Variants in NOL4L observed in about 807,000 individuals in gnomAD.
The protein encoded by NOL4L is nucleolar protein 4 like.
Under a neutral mutation model 64.5 loss-of-function variants are expected in NOL4L, and 7 were observed. The ratio of observed to expected loss-of-function variants is 0.11; its 90% confidence interval spans 0.06 to 0.20. The LOEUF is 0.20. Ranked by LOEUF, NOL4L falls within the 10% of genes least tolerant of loss-of-function variation. The pLI, the probability that NOL4L is intolerant of heterozygous loss-of-function variation, is 1.00. For missense variants in NOL4L, 680 were observed against 967.1 expected, an observed-to-expected ratio of 0.70 and a Z score of 3.94; for synonymous variants, 413 against 401.0, an observed-to-expected ratio of 1.03 and a Z score of -0.36.
chr20:32,576,491 T>A (rs1980114309), intron 1 of NOL4L, among the ~76,000 whole-genome samples: 1 of 151,952 alleles, frequency 6.6e-6, no homozygotes. Context: ...AGGAAGTGAA[T>A]AAATGAATGA....
intron 1 of NOL4L, among the ~76,000 whole-genome samples, chr20:32,574,233 C>T (rs969926426): frequency 2.0e-5 from 3 of 152,204 alleles, no homozygotes; most frequent in Admixed American, 6.5e-5. Context: ...CCCTGTTGCC[C>T]GGGGAGACCC....
At position 32,484,654 on chromosome 20, in the gene NOL4L, G is replaced by A. The variant is rs116233313; in HGVS notation, c.700-9912C>T. 2.2e-3 allele frequency among the ~76,000 whole-genome samples: 328 copies of A among 152,164 alleles called. 3 individuals are homozygous for A. The highest frequency in any genetic ancestry group is 7.5e-3 in the African/African-American group (313 of 41,516). On this transcript the variant is annotated intron_variant, in intron 4 of 10. Transcript: ENST00000621426. ...CGGGCCGGGTCCTGACGGCGCGCGA[G>A]CCACAGTTGTAAAGTAATAGGATAA...
chr20:32,457,838 C>G (rs916924311), intron 5 of NOL4L, among the ~76,000 whole-genome samples: 2 of 152,208 alleles, frequency 1.3e-5, no homozygotes, highest in South Asian at 2.1e-4. Context: ...AGTCCCGGCC[C>G]GCGCTGGCTG....
intron 4 of NOL4L, among the ~76,000 whole-genome samples, chr20:32,485,065 A>AAAAAAAAAAAAAAAAAC (rs2016006208): frequency 7.6e-6 from 1 of 132,376 alleles, no homozygotes; most frequent in Admixed American, 8.5e-5. Flanking sequence ...TGCCAAAAAA[A>AAAAAAAAAAAAAAAAAC]AAAAAAAAAA....
chr20:32,537,806 T>A (rs1228691437), intron 1 of NOL4L, among the ~76,000 whole-genome samples: 20 of 149,822 alleles, frequency 1.3e-4, no homozygotes, highest in Admixed American at 2.7e-4. Flanking sequence ...GGAGACGGAA[T>A]CTTGCTCTGT....
At chr20:32,580,929 A>G (rs958432086) in intron 1 of NOL4L, among the ~76,000 whole-genome samples, 3 of 152,204 alleles carry the variant, frequency 2.0e-5, no homozygotes, top group African/African-American at 7.2e-5. Context: ...CCAGAGGAAA[A>G]GGAAAGGGGT....
At chr20:32,465,942 C>G (rs1462960146) in intron 5 of NOL4L, among the ~76,000 whole-genome samples, 1 of 150,456 alleles carries the variant, frequency 6.6e-6, no homozygotes. Flanking sequence ...CTGATCCCCA[C>G]GTGGCCCCAC....
chr20:32,584,169 A>ACACACC (rs1980731264), intron 1 of NOL4L, among the ~76,000 whole-genome samples: 2 of 118,054 alleles, frequency 1.7e-5, no homozygotes, highest in African/African-American at 6.4e-5. Context: ...ACACACACAC[A>ACACACC]CCGCCCAGCC....
At chr20:32,475,494 C>T in intron 4 of NOL4L, 1 of 274,586 alleles carries the variant, frequency 3.6e-6, no homozygotes. Context: ...CTCCTCTCTC[C>T]TCGCTGCCGG....
intron 10 of NOL4L, among the ~76,000 whole-genome samples, chr20:32,450,603 C>T (rs1013456533): frequency 6.6e-6 from 1 of 152,196 alleles, no homozygotes; most frequent in Non-Finnish European, 1.5e-5. Context: ...ATGAAGCAGG[C>T]TCAGCCCTAA....
intron 3 of NOL4L, among the ~76,000 whole-genome samples, chr20:32,517,213 T>C (rs770011596): frequency 6.6e-6 from 1 of 152,152 alleles, no homozygotes. Context: ...TTCTTTCTTT[T>C]TAACATAAGG....
chr20:32,567,277 C>T (rs1979488209), intron 1 of NOL4L, among the ~76,000 whole-genome samples: 1 of 152,216 alleles, frequency 6.6e-6, no homozygotes. Context: ...ACCTGCCCCA[C>T]TCTCCATCCC....
At chr20:32,541,005 CCCTACACACACACA>C (rs1299286432) in intron 1 of NOL4L, among the ~76,000 whole-genome samples, 42 of 52,486 alleles carry the variant, frequency 8.0e-4, no homozygotes, top group African/African-American at 3.3e-3. Context: ...CCTCGCCACC[CCCTACACACACACA>C]CACACACACA....
intron 4 of NOL4L, among the ~76,000 whole-genome samples, chr20:32,488,747 T>TCC (rs2016211280): frequency 9.4e-5 from 10 of 106,902 alleles, no homozygotes; most frequent in East Asian, 5.6e-4. Context: ...CTTTCTTTCT[T>TCC]TTCCTTCCTT....
intron 1 of NOL4L, among the ~76,000 whole-genome samples, chr20:32,529,522 G>T (rs1203781940): frequency 6.6e-6 from 1 of 152,142 alleles, no homozygotes; most frequent in African/African-American, 2.4e-5. Flanking sequence ...CTCACAACAC[G>T]TTCTGGCACA....
chr20:32,465,041 G>C, intron 5 of NOL4L: 2 of 635,490 alleles, frequency 3.1e-6, no homozygotes, highest in Non-Finnish European at 5.7e-6. Context: ...AGACCCTGGG[G>C]TTCCTGGCCC....
chr20:32,451,365 G>C (rs762372486), intron 10 of NOL4L, among the ~76,000 whole-genome samples: 17 of 152,204 alleles, frequency 1.1e-4, no homozygotes, highest in Non-Finnish European at 1.9e-4. Flanking sequence ...CCTGCACACA[G>C]AACACAACCC....
At chr20:32,505,750 A>G (rs293564) in intron 4 of NOL4L, among the ~76,000 whole-genome samples, 19,697 of 152,162 alleles carry the variant, frequency 0.13, 1,842 homozygotes, top group African/African-American at 0.26. Flanking sequence ...GTTCTGACAC[A>G]TGCTACCACA....
chr20:32,461,217 C>A (rs1252262821), intron 5 of NOL4L, among the ~76,000 whole-genome samples: 2 of 152,180 alleles, frequency 1.3e-5, no homozygotes, highest in Admixed American at 6.5e-5. Flanking sequence ...CCCACCAGGC[C>A]CTTCCAGCGA....
Sources: gnomAD v4.1 joint callset for allele counts (sites outside exome capture counted in the v4.1 genomes callset) on GRCh38, gnomAD v4.1.1 for gene constraint, MANE v1.5 for transcripts, NCBI Gene and HGNC (gene_info 2026-07-23, HGNC 2026-07-21) for gene names.